Variants in PCDHA8 observed in about 807,000 individuals in gnomAD.
PCDHA8 encodes protocadherin alpha-8.
In PCDHA8, 53 loss-of-function variants were observed where a neutral mutation model predicts 61.8. The observed-to-expected ratio is 0.86, with a 90% CI of 0.69 to 1.08. The LOEUF is 1.08. PCDHA8 is among the 50% of genes least tolerant of loss of function. The pLI, the probability that PCDHA8 is intolerant of heterozygous loss-of-function variation, is 0.00. For synonymous variants in PCDHA8, 618 were observed against 556.6 expected, an observed-to-expected ratio of 1.11 and a Z score of -1.55; for missense variants, 1,293 against 1,245.0, an observed-to-expected ratio of 1.04 and a Z score of -0.58.
rs2150324917 is a variant in PCDHA8, at chr5:140,841,892, C to A, written c.571C>A (p.Leu191Met). 1 of 1,613,788 alleles carries A rather than the reference C, an allele frequency of 6.2e-7. No homozygotes were observed. The highest frequency in any genetic ancestry group is 8.5e-7 in the Non-Finnish European group (1 of 1,179,808). Residue 191 changes from leucine to methionine, a missense_variant, in exon 1 of 4, where the codon CTG becomes ATG. Transcript: ENST00000531613. The stretch of plus-strand genomic sequence containing the variant: ...GAATTCAAAGAACGATGAGAATAAA[C>A]TGGTTGAGCTCGTATTAAGAAAATC... ...DVNSKNDENK[L>M]VELVLRKSLD...
intron 1 of PCDHA8, among the ~76,000 whole-genome samples, chr5:140,846,538 C>A (rs553937365): frequency 1.3e-5 from 2 of 148,384 alleles, no homozygotes; most frequent in African/African-American, 4.9e-5. Context: ...CCATGCCCTG[C>A]TAATTTTTTG....
chr5:140,980,359 C>T (rs369647369), intron 2 of PCDHA8, among the ~76,000 whole-genome samples: 1 of 152,114 alleles, frequency 6.6e-6, no homozygotes. Context: ...GGACTGGGCG[C>T]GGTGGCTCAC....
intron 1 of PCDHA8, among the ~76,000 whole-genome samples, chr5:140,951,286 T>G (rs537000082): frequency 7.9e-5 from 12 of 152,352 alleles, no homozygotes; most frequent in African/African-American, 2.6e-4. Context: ...TAATTTTGGA[T>G]TATATCTTGA....
At chr5:140,860,700 G>C (rs573827394) in intron 1 of PCDHA8, 1 of 152,300 alleles carries the variant, frequency 6.6e-6, no homozygotes, top group South Asian at 2.1e-4. Flanking sequence ...ACAGGATATT[G>C]TTGTTCTCCA....
At chr5:140,887,254 G>A (rs924715341) in intron 1 of PCDHA8, among the ~76,000 whole-genome samples, 4 of 151,790 alleles carry the variant, frequency 2.6e-5, no homozygotes, top group Admixed American at 2.0e-4. Context: ...CCGCCACCAC[G>A]CCCTGCTAAT....
intron 1 of PCDHA8, among the ~76,000 whole-genome samples, chr5:140,892,977 G>A (rs188368199): frequency 1.8e-4 from 27 of 152,270 alleles, no homozygotes; most frequent in Admixed American, 6.5e-4. Flanking sequence ...TTTTGTAGCT[G>A]CCGTATAAGT....
intron 1 of PCDHA8, chr5:140,870,784 G>A: frequency 6.2e-7 from 1 of 1,613,574 alleles, no homozygotes; most frequent in South Asian, 1.1e-5. Context: ...GAACGACAAC[G>A]CGCCGGCACT....
Position 140,849,328 on chromosome 5 carries a change from T to C in PCDHA8, c.2394+5613T>C, listed in dbSNP as rs2150435086. ...GACGAAGGCTTGAATGGGGATATTA[T>C]TTACTCCTTCTCCAGTGATGTTTCT... is the stretch of plus-strand genomic sequence containing the variant. On this transcript the variant is annotated intron_variant, in intron 1 of 3. Transcript: ENST00000531613. 1,235 of 1,370,890 alleles carry C rather than the reference T, an allele frequency of 9.0e-4. 32 individuals carry two copies. In the African/African-American group the frequency reaches 0.018, roughly 20 times the overall value. 84.9% of individuals were successfully genotyped at this position (1,370,890 alleles called of 1,614,324 possible). A position where few individuals can be genotyped will look rare whatever the true frequency, so the allele number is the denominator to read the frequency against.
At chr5:140,926,281 T>A (rs2083071196) in intron 1 of PCDHA8, 1 of 152,306 alleles carries the variant, frequency 6.6e-6, no homozygotes, top group African/African-American at 2.4e-5. Context: ...GCTCGGCAGC[T>A]CCACGCTGAG....
At chr5:140,884,003 G>T (rs781845787) in intron 1 of PCDHA8, 2 of 1,612,968 alleles carry the variant, frequency 1.2e-6, no homozygotes, top group Non-Finnish European at 8.5e-7. Flanking sequence ...CACAGTGAGC[G>T]AGCTGATGCC....
At chr5:140,971,034 A>G (rs576529050) in intron 1 of PCDHA8, among the ~76,000 whole-genome samples, 1 of 152,202 alleles carries the variant, frequency 6.6e-6, no homozygotes, top group Non-Finnish European at 1.5e-5. Context: ...ATTTGAAAGC[A>G]CGTAAAAGGG....
chr5:140,951,321 A>AT (rs2094571430), intron 1 of PCDHA8, among the ~76,000 whole-genome samples: 1 of 152,098 alleles, frequency 6.6e-6, no homozygotes, highest in Non-Finnish European at 1.5e-5. Context: ...TATTCTTGAG[A>AT]TTCATCATTC....
chr5:140,950,944 T>C (rs2094535037), intron 1 of PCDHA8, among the ~76,000 whole-genome samples: 1 of 152,090 alleles, frequency 6.6e-6, no homozygotes, highest in Admixed American at 6.5e-5. Flanking sequence ...TCAGATTGGA[T>C]CATTTCTATT....
At position 140,937,762 on chromosome 5, in the gene PCDHA8, A is replaced by T. The variant is rs955142751; in HGVS notation, c.2395-41187A>T. Among the ~76,000 whole-genome samples, 6 of 151,868 alleles carry T rather than the reference A, an allele frequency of 4.0e-5. No individual in the cohort carries two copies. The South Asian group carries it at 6.2e-4, about 16-fold the overall frequency. On this transcript the variant is annotated intron_variant, in intron 1 of 3. Coordinates refer to ENST00000531613, the MANE Select transcript of PCDHA8 (RefSeq NM_018911.3). ...CCCGTCTCTACTAAAAATACAAAAA[A>T]TTAGTCGGGCGTGGTGGCGGGCGTA... is the stretch of plus-strand genomic sequence containing the variant.
At chr5:141,004,919 T>A (rs144687292) in intron 3 of PCDHA8, among the ~76,000 whole-genome samples, 2 of 152,264 alleles carry the variant, frequency 1.3e-5, no homozygotes, top group East Asian at 3.9e-4. Flanking sequence ...GGAAAAGGGT[T>A]TGGAAGAGAG....
At position 140,872,081 on chromosome 5, in the gene PCDHA8, C is replaced by A. The variant is rs559710022; in HGVS notation, c.2394+28366C>A. ...TCCAGAGTAGCTGGGAATGCAGTGC[C>A]ACTGCACTTAGTCCATTGGCTTTCC... On this transcript the variant is annotated intron_variant, in intron 1 of 3. Transcript: ENST00000531613. Among the ~76,000 whole-genome samples the A allele has an allele frequency of 2.6e-5, 4 of 152,212 alleles. No individual in the cohort carries two copies. In the South Asian group the frequency reaches 8.3e-4, roughly 32 times the overall value.
chr5:140,916,563 G>A (rs2077621809), intron 1 of PCDHA8, among the ~76,000 whole-genome samples: 1 of 152,198 alleles, frequency 6.6e-6, no homozygotes, highest in African/African-American at 2.4e-5. Context: ...TGTCCAGGGT[G>A]TGTCTAGAAA....
chr5:140,968,176 G>A, intron 1 of PCDHA8: 1 of 1,614,062 alleles, frequency 6.2e-7, no homozygotes, highest in Non-Finnish European at 8.5e-7. Flanking sequence ...CAAGCTTCCT[G>A]GAGGACTCCT....
At position 140,841,682 on chromosome 5, in the gene PCDHA8, G is replaced by T. The variant is rs2150320729; in HGVS notation, c.361G>T (p.Val121Leu). 1.3e-5 allele frequency: 21 copies of T among 1,613,844 alleles called. No homozygotes were observed. Among genetic ancestry groups the T allele is most frequent in the South Asian group, 5.5e-5 (5 of 91,080 alleles). Reference protein sequence around the residue: ...DRPLQVFHVDVEVKDVNDNPP... With the variant: ...DRPLQVFHVDLEVKDVNDNPP... ...GCCGCTGCAGGTTTTCCATGTGGAC[G>T]TGGAGGTGAAGGATGTTAATGACAA... is the stretch of plus-strand genomic sequence containing the variant. The change falls in exon 1 of 4, where the codon GTG (valine) becomes TTG (leucine). Residue 121 changes from valine (V) to leucine (L), a missense_variant. By Grantham distance (32) the Val-to-Leu change is conservative (BLOSUM62 1). Transcript: ENST00000531613.
Sources: gnomAD v4.1 joint callset for allele counts (sites outside exome capture counted in the v4.1 genomes callset) on GRCh38, gnomAD v4.1.1 for gene constraint, MANE v1.5 for transcripts, NCBI Gene and HGNC (gene_info 2026-07-23, HGNC 2026-07-21) for gene names.